CCM2: variants seen among roughly 807,000 people sequenced by gnomAD.
CCM2 encodes the protein CCM2 scaffold protein.
In CCM2, 25 loss-of-function variants were observed where a neutral mutation model predicts 44.9. That is an observed-to-expected ratio of 0.56 (90% CI 0.41 to 0.78). The LOEUF (loss-of-function observed/expected upper bound fraction) is 0.78, where lower values mean the gene tolerates loss of function less well. Ranked by LOEUF, CCM2 falls within the 30% of genes least tolerant of loss-of-function variation. The probability of loss-of-function intolerance (pLI) is 0.00; values close to 1 mark genes in which losing one functional copy is unlikely to be tolerated. For synonymous variants in CCM2, 219 were observed against 241.1 expected (o/e 0.91, Z 0.85); for missense variants, 481 against 580.6 (o/e 0.83, Z 1.76).
In CCM2 at chr7:45,073,723, C is replaced by T. The variant is rs531047294; in HGVS notation, c.915+152C>T. Reference sequence around the variant, plus strand: ...CTCTTGGTCAATTTTGCTGACATCACTGCCTTTTCCTGGGGATAGTCTAGG... The same window carrying T: ...CTCTTGGTCAATTTTGCTGACATCATTGCCTTTTCCTGGGGATAGTCTAGG... On this transcript the variant is annotated intron_variant, in intron 8 of 9. Transcript: ENST00000258781. 8.1e-6 allele frequency: 5 copies of T among 616,480 alleles called. No homozygotes were observed. In the East Asian group the frequency reaches 1.4e-4, roughly 17 times the overall value. 38.2% of individuals were successfully genotyped at this position (616,480 alleles called of 1,614,324 possible). A position where few individuals can be genotyped will look rare whatever the true frequency, so the allele number is the denominator to read the frequency against.
chr7:45,049,888 A>G (rs1043512423), intron 2 of CCM2, among the ~76,000 whole-genome samples: 1 of 152,226 alleles, frequency 6.6e-6, no homozygotes, highest in Non-Finnish European at 1.5e-5. Flanking sequence ...CAACAATAAA[A>G]AATAATACAA....
chr7:45,068,573 G>C lies in CCM2; in HGVS notation c.603G>C (p.Glu201Asp). 6.2e-7 allele frequency: 1 copy of C among 1,613,950 alleles called. No homozygotes were observed. Among genetic ancestry groups the C allele is most frequent in the African/African-American group, 1.3e-5 (1 of 75,046 alleles). ...EACCLVILAA[E>D]SKVAAEELCC... ...GCTGCCTGGTCATCCTGGCTGCAGA[G>C]AGCAAGGTGAGACTTTCTCGCCCCA... Residue 201 changes from glutamate to aspartate, a missense_variant, in exon 5 of 10, where the codon GAG becomes GAC. By Grantham distance (45) the Glu-to-Asp change is conservative. Transcript: ENST00000258781.
rs1365467922 is a variant in CCM2, at chr7:45,073,687, C to T, written c.915+116C>T. Reference sequence around the variant, plus strand: ...CAGGGCAGGCTGCAGTGAGTGAGGTCACCTAGAGCACTCTTGGTCAATTTT... The same window carrying T: ...CAGGGCAGGCTGCAGTGAGTGAGGTTACCTAGAGCACTCTTGGTCAATTTT... On this transcript the variant is annotated intron_variant, in intron 8 of 9. Transcript: ENST00000258781. 5.8e-6 allele frequency: 4 copies of T among 688,748 alleles called. No individual in the cohort carries two copies. In the African/African-American group the frequency reaches 7.1e-5, roughly 12 times the overall value. 42.7% of individuals were successfully genotyped at this position (688,748 alleles called of 1,614,324 possible).
At chr7:45,020,139 G>C (rs773122279) in intron 1 of CCM2, among the ~76,000 whole-genome samples, 1 of 152,116 alleles carries the variant, frequency 6.6e-6, no homozygotes, top group Non-Finnish European at 1.5e-5. Context: ...TGAGACTGGG[G>C]CATACTCTCA....
intron 6 of CCM2, chr7:45,071,388 G>A (rs564692805): frequency 5.6e-6 from 1 of 178,526 alleles, no homozygotes; most frequent in Non-Finnish European, 1.2e-5. Flanking sequence ...CACTACTGGG[G>A]GTTGCTGAAG....
intron 4 of CCM2, 114 bp downstream of exon 4, chr7:45,064,760 G>A (rs184792807): frequency 1.3e-5 from 14 of 1,078,158 alleles, no homozygotes; most frequent in Middle Eastern, 2.8e-4. Flanking sequence ...TGTTTGTCAC[G>A]ACCAATAATT....
At chr7:45,015,225 A>G (rs1044252099) in intron 1 of CCM2, among the ~76,000 whole-genome samples, 2 of 152,138 alleles carry the variant, frequency 1.3e-5, no homozygotes, top group Non-Finnish European at 2.9e-5. Context: ...ATGACACAGA[A>G]TTTATTCCAG....
intron 2 of CCM2, among the ~76,000 whole-genome samples, chr7:45,053,809 A>G (rs1182033921): frequency 1.3e-5 from 2 of 152,182 alleles, no homozygotes; most frequent in South Asian, 2.1e-4. Flanking sequence ...CCTGAGGGAC[A>G]TGGGCCACGG....
chr7:45,038,055 A>G (rs1242296970), intron 1 of CCM2, among the ~76,000 whole-genome samples, 198 bp from the exon 2 acceptor site: 1 of 152,072 alleles, frequency 6.6e-6, no homozygotes. Flanking sequence ...GCCCAGCCCC[A>G]CCGTGCCGGC....
chr7:45,069,805 A>C (rs766074926), intron 5 of CCM2, 21 bp from the exon 6 acceptor site: 4 of 1,613,768 alleles, frequency 2.5e-6, no homozygotes, highest in Non-Finnish European at 3.4e-6. Flanking sequence ...CTGACCGAGC[A>C]GCTGCTGTCC....
At position 45,059,764 on chromosome 7, in the gene CCM2, A is replaced by G. The variant is rs150433753; in HGVS notation, c.205-4154A>G. Among the ~76,000 whole-genome samples, 1,121 of 152,248 alleles carry G rather than the reference A, an allele frequency of 7.4e-3. 55 individuals are homozygous for G. The highest frequency in any genetic ancestry group is 0.062 in the Admixed American group (951 of 15,288). Reference sequence around the variant, plus strand: ...AAAATGTGTATGTGTGTATATATATATATTTATTTTAGTGGTTGCCTTAGG... The same window carrying G: ...AAAATGTGTATGTGTGTATATATATGTATTTATTTTAGTGGTTGCCTTAGG... On this transcript the variant is annotated intron_variant, in intron 2 of 9. Transcript: ENST00000258781.
At chr7:45,011,857 GCTAA>G (rs1379390343) in intron 1 of CCM2, among the ~76,000 whole-genome samples, 1 of 152,104 alleles carries the variant, frequency 6.6e-6, no homozygotes, top group Non-Finnish European at 1.5e-5. Context: ...CCCTGCCCTG[GCTAA>G]CTTTTTAAAA....
chr7:45,076,105 G>C lies in CCM2; in HGVS notation c.*48G>C. The C allele has an allele frequency of 6.2e-7, 1 of 1,609,768 alleles. No homozygotes were observed. Among genetic ancestry groups the C allele is most frequent in the Non-Finnish European group, 8.5e-7 (1 of 1,179,470 alleles). On this transcript the variant is annotated 3_prime_UTR_variant, in exon 10 of 10. Coordinates refer to ENST00000258781, the MANE Select transcript of CCM2 (RefSeq NM_031443.4). ...CCACACCTTCCGCGCAGTCGTCATA[G>C]GCCTTCCCAGAAGGAGCTGCCCAGA...
At chr7:45,071,678 C>G in intron 6 of CCM2, 1 of 436,754 alleles carries the variant, frequency 2.3e-6, no homozygotes, top group East Asian at 7.0e-5. Context: ...GAGAAGAAGC[C>G]ATTTCCTTGT....
intron 1 of CCM2, among the ~76,000 whole-genome samples, chr7:45,028,870 A>G (rs1215509997): frequency 2.0e-4 from 30 of 151,788 alleles, no homozygotes; most frequent in African/African-American, 4.8e-5. Context: ...CAGGGGTGCA[A>G]TGTGGGTGTC....
At chr7:45,070,024 C>T (rs1360270547) in intron 6 of CCM2, 63 bp downstream of exon 6, 2 of 1,593,414 alleles carry the variant, frequency 1.3e-6, no homozygotes, top group Non-Finnish European at 1.7e-6. Context: ...TGCAGTGGCC[C>T]CCAGCTCCCC....
chr7:45,026,052 T>A (rs1046778885), intron 1 of CCM2, among the ~76,000 whole-genome samples: 1 of 152,202 alleles, frequency 6.6e-6, no homozygotes, highest in African/African-American at 2.4e-5. Flanking sequence ...TTTAGTCATG[T>A]CTATTTCCCT....
intron 1 of CCM2, among the ~76,000 whole-genome samples, chr7:45,033,966 T>G (rs1797088689): frequency 6.6e-6 from 1 of 152,192 alleles, no homozygotes; most frequent in African/African-American, 2.4e-5. Context: ...CATGATTTCT[T>G]GGCTGACAAA....
intron 4 of CCM2, 175 bp from the exon 5 acceptor site, chr7:45,068,268 T>G (rs1446503063): frequency 7.8e-6 from 6 of 765,696 alleles, no homozygotes; most frequent in Non-Finnish European, 1.3e-5. Context: ...TTCCCACCCT[T>G]ATTTAGAGAA....
Sources: gnomAD v4.1 joint callset for allele counts (sites outside exome capture counted in the v4.1 genomes callset) on GRCh38, gnomAD v4.1.1 for gene constraint, MANE v1.5 for transcripts, NCBI Gene and HGNC (gene_info 2026-07-23, HGNC 2026-07-21) for gene names.